Variants in GLDC observed in about 807,000 individuals in gnomAD.
GLDC encodes the protein glycine decarboxylase.
GLDC carries 104 observed loss-of-function variants against 121.3 expected under a neutral mutation model. The observed-to-expected ratio is 0.86, with a 90% confidence interval of 0.73 to 1.01. The LOEUF (loss-of-function observed/expected upper bound fraction) is 1.01. GLDC is among the 50% of genes least tolerant of loss of function. The pLI is 0.00. For missense variants in GLDC, 1,429 were observed against 1,306.6 expected, an observed-to-expected ratio of 1.09 and a Z score of -1.44; for synonymous variants, 546 against 480.6, an observed-to-expected ratio of 1.14 and a Z score of -1.78.
intron 15 of GLDC, among the ~76,000 whole-genome samples, chr9:6,577,222 T>C (rs972255859): frequency 1.3e-5 from 2 of 152,248 alleles, no homozygotes; most frequent in African/African-American, 4.8e-5. Context: ...ATTCTGCTAC[T>C]TGGTCATTTG....
At chr9:6,630,417 C>A (rs772796764) in intron 2 of GLDC, among the ~76,000 whole-genome samples, 1 of 152,232 alleles carries the variant, frequency 6.6e-6, no homozygotes, top group South Asian at 2.1e-4. Context: ...CAGCCAGCAG[C>A]GCCTCACACA....
At chr9:6,554,001 C>A (rs75815725) in intron 19 of GLDC, among the ~76,000 whole-genome samples, 2 of 151,506 alleles carry the variant, frequency 1.3e-5, no homozygotes, top group African/African-American at 4.8e-5. Context: ...AAAAAAAAAA[C>A]AAGAAAGAAG....
chr9:6,613,775 T>C (rs1818909663), intron 3 of GLDC, among the ~76,000 whole-genome samples: 2 of 152,068 alleles, frequency 1.3e-5, no homozygotes, highest in Admixed American at 6.6e-5. Context: ...AACTAGTTTT[T>C]TGGGGTTTTT....
intron 15 of GLDC, among the ~76,000 whole-genome samples, chr9:6,570,880 C>T (rs1235683324): frequency 6.8e-5 from 10 of 147,366 alleles, no homozygotes; most frequent in Non-Finnish European, 1.0e-4. Flanking sequence ...AAAAGTTTCT[C>T]GGGGTATGTT....
At chr9:6,580,728 G>C (rs1366269579) in intron 15 of GLDC, among the ~76,000 whole-genome samples, 1 of 152,118 alleles carries the variant, frequency 6.6e-6, no homozygotes, top group Non-Finnish European at 1.5e-5. Flanking sequence ...GTGCACATCA[G>C]GCAGCAAGCC....
At position 6,604,687 on chromosome 9, in the gene GLDC, A is replaced by C. The variant is rs773173613; in HGVS notation, c.959T>G (p.Phe320Cys). 4.3e-6 allele frequency: 7 copies of C among 1,614,008 alleles called. No homozygotes were observed. The highest frequency in any genetic ancestry group is 4.0e-5 in the African/African-American group (3 of 74,928). The change falls in exon 7 of 25, where the codon TTT becomes TGT. Residue 320 changes from phenylalanine (F) to cysteine (C), a missense_variant. Coordinates refer to ENST00000321612, the MANE Select transcript of GLDC (RefSeq NM_000170.3). ...VDIALGSSQR[F>C]GVPLGYGGPH... ...TCCCCCATAGCCCAGTGGCACTCCA[A>C]ATCTCTGGGAGCTGCCCAGGGCGAT...
In GLDC at chr9:6,565,440, C is replaced by T; in HGVS notation, c.1851-11G>A. On this transcript the variant is annotated splice_polypyrimidine_tract_variant and intron_variant, in intron 15 of 24. Coordinates refer to ENST00000321612, the MANE Select transcript of GLDC (RefSeq NM_000170.3). ...TCTCCCTGGGCTCCGCTTGCAAAGA[C>T]AAGAAGAAAGGGATCACGGTTAGGT... 6.2e-7 allele frequency: 1 copy of T among 1,608,382 alleles called. No homozygotes were observed. Among genetic ancestry groups the T allele is most frequent in the Non-Finnish European group, 8.5e-7 (1 of 1,174,732 alleles).
At position 6,556,219 on chromosome 9, in the gene GLDC, G is replaced by A. The variant is rs762761551; in HGVS notation, c.2136C>T (p.Asp712=). The change falls in exon 18 of 25, where the codon GAC becomes GAT. Residue 712 remains aspartate, a synonymous_variant. Coordinates refer to ENST00000321612, the MANE Select transcript of GLDC (RefSeq NM_000170.3). ...TNGVFEENIS[D]VCDLIHQHGG... Reference sequence around the variant, plus strand: ...CATGTTGATGGATGAGGTCACACACGTCACTGATGTTCTCTTCAAACACCC... The same window carrying A: ...CATGTTGATGGATGAGGTCACACACATCACTGATGTTCTCTTCAAACACCC... 7.4e-6 allele frequency: 12 copies of A among 1,611,706 alleles called. No individual in the cohort carries two copies. The highest frequency in any genetic ancestry group is 3.3e-5 in the South Asian group (3 of 91,032).
intron 21 of GLDC, among the ~76,000 whole-genome samples, chr9:6,547,350 T>C (rs1225767445): frequency 1.3e-5 from 2 of 152,188 alleles, no homozygotes; most frequent in Admixed American, 6.5e-5. Context: ...TGGACAAGGC[T>C]GGCACTAAGA....
chr9:6,597,279 T>A (rs370863060), intron 8 of GLDC, among the ~76,000 whole-genome samples: 2 of 152,166 alleles, frequency 1.3e-5, no homozygotes, highest in South Asian at 2.1e-4. Flanking sequence ...GTAATAAAAA[T>A]ATTCTGAAAT....
intron 7 of GLDC, among the ~76,000 whole-genome samples, chr9:6,603,308 T>G (rs1818656836): frequency 6.6e-6 from 1 of 151,790 alleles, no homozygotes; most frequent in African/African-American, 2.4e-5. Context: ...CATTAGGTGT[T>G]AATAAGATGA....
chr9:6,561,438 C>G (rs1459193031), intron 16 of GLDC, among the ~76,000 whole-genome samples: 1 of 152,102 alleles, frequency 6.6e-6, no homozygotes, highest in Non-Finnish European at 1.5e-5. Flanking sequence ...CACTTGAGGC[C>G]AGGAGTTCAA....
At chr9:6,633,872 C>T (rs1469234821) in intron 2 of GLDC, among the ~76,000 whole-genome samples, 2 of 120,782 alleles carry the variant, frequency 1.7e-5, no homozygotes, top group Non-Finnish European at 3.2e-5. Context: ...CTCTGTCGCT[C>T]AGGCTGGAGT....
At position 6,604,046 on chromosome 9, in the gene GLDC, C is replaced by CT. The variant is rs113946761; in HGVS notation, c.1058+541dup. Reference sequence around the variant, plus strand: ...CCCAGCCCTTTTTTTCTTTTCTTTTCTTTTTTTTTTAAGGAACAAAGACTA... The same window carrying CT: ...CCCAGCCCTTTTTTTCTTTTCTTTTCTTTTTTTTTTTAAGGAACAAAGACTA... On this transcript the variant is annotated intron_variant, in intron 7 of 24. Coordinates refer to ENST00000321612, the MANE Select transcript of GLDC (RefSeq NM_000170.3). Among the ~76,000 whole-genome samples, 648 of 147,580 alleles carry CT rather than the reference C, an allele frequency of 4.4e-3. 8 individuals carry two copies. Among genetic ancestry groups the CT allele is most frequent in the African/African-American group, 0.015 (619 of 40,402 alleles).
rs183920944 is a variant in GLDC, at chr9:6,566,108, T to C, written c.1851-679A>G. Among the ~76,000 whole-genome samples the C allele has an allele frequency of 5.9e-5, 9 of 152,248 alleles. No homozygotes were observed. The East Asian group carries it at 1.7e-3, about 29-fold the overall frequency. Reference sequence around the variant, plus strand: ...AGTACAAAAAATTAGCCTGGTGTGATAGCATGCATCTGTAGTACCAGCTAC... The same window carrying C: ...AGTACAAAAAATTAGCCTGGTGTGACAGCATGCATCTGTAGTACCAGCTAC... On this transcript the variant is annotated intron_variant, in intron 15 of 24. Coordinates refer to ENST00000321612, the MANE Select transcript of GLDC (RefSeq NM_000170.3).
intron 2 of GLDC, among the ~76,000 whole-genome samples, chr9:6,633,496 A>G (rs1819434018): frequency 6.6e-6 from 1 of 152,148 alleles, no homozygotes. Context: ...CTCAAGCAAG[A>G]CCCAATCTCT....
rs763706954 is a variant in GLDC, at chr9:6,610,296, G to A, written c.531C>T (p.Leu177=). ...TGTCACACACCATGGTCTGGTAGTT[G>A]AGTAAACTCTCCAGCCTCCCCTGAG... is the stretch of plus-strand genomic sequence containing the variant. The part of the protein sequence containing the change: ...EVSQGRLESL[L]NYQTMVCDIT... Residue 177 remains leucine, a synonymous_variant, in exon 4 of 25, where the codon CTC becomes CTT. Transcript: ENST00000321612. The A allele has an allele frequency of 1.2e-6, 2 of 1,613,640 alleles. No individual in the cohort carries two copies. The highest frequency in any genetic ancestry group is 2.7e-5 in the African/African-American group (2 of 74,918).
intron 2 of GLDC, among the ~76,000 whole-genome samples, chr9:6,629,957 A>ATATATTT: frequency 2.4e-5 from 2 of 83,102 alleles, no homozygotes; most frequent in African/African-American, 1.4e-4. Context: ...ATATATATAT[A>ATATATTT]TTTTTTTTTT....
chr9:6,606,634 CGG>C lies in GLDC; in HGVS notation c.669_670del (p.Arg224LeufsTer21). ...AACAGCTATTGTCTGTGGGTGGCAACGGGGATCAACGAGAAATTTCCTCCTCT... is the reference window on the plus strand; with the variant it reads ...AACAGCTATTGTCTGTGGGTGGCAACGGATCAACGAGAAATTTCCTCCTCT... On this transcript the variant is annotated frameshift_variant, in exon 5 of 25. Transcript: ENST00000321612. LOFTEE classifies it high-confidence loss of function. 1 of 1,609,006 alleles carries C rather than the reference CGG, an allele frequency of 6.2e-7. No individual in the cohort carries two copies. The highest frequency in any genetic ancestry group is 1.1e-5 in the South Asian group (1 of 90,958).
Sources: allele counts gnomAD v4.1 joint callset (sites outside exome capture counted in the v4.1 genomes callset), GRCh38; gene constraint gnomAD v4.1.1; transcripts MANE v1.5; gene names NCBI Gene and HGNC (gene_info 2026-07-23, HGNC 2026-07-21).